Variants in TRIM55 observed in about 807,000 individuals in gnomAD.
The protein encoded by TRIM55 is tripartite motif containing 55, also known as tripartite motif-containing protein 55.
TRIM55 carries 50 observed loss-of-function variants against 60.9 expected under a neutral mutation model. The observed-to-expected ratio is 0.82, with a 90% CI of 0.65 to 1.04. The LOEUF (loss-of-function observed/expected upper bound fraction) is 1.04, where lower values mean the gene tolerates loss of function less well. Among genes scored for constraint, TRIM55 ranks in the 50% least tolerant of loss-of-function variants. The pLI, the probability that TRIM55 is intolerant of heterozygous loss-of-function variation, is 0.00. For synonymous variants in TRIM55, 237 were observed against 238.1 expected (o/e 1.00, Z 0.04); for missense variants, 681 against 666.9 (o/e 1.02, Z -0.23).
intron 9 of TRIM55, chr8:66,155,731 C>T: frequency 6.8e-7 from 1 of 1,469,356 alleles, no homozygotes. Flanking sequence ...TTTTCTTTTC[C>T]CTTGACTAAC....
At chr8:66,142,424 T>A (rs1201222303) in intron 4 of TRIM55, among the ~76,000 whole-genome samples, 2 of 152,236 alleles carry the variant, frequency 1.3e-5, no homozygotes, top group African/African-American at 4.8e-5. Flanking sequence ...GAGCCTCTTC[T>A]GGGAAACATG....
chr8:66,159,078 A>G lies in TRIM55; in HGVS notation c.1524+4744A>G, dbSNP rs1810905812. 2.6e-5 allele frequency among the ~76,000 whole-genome samples: 4 copies of G among 152,378 alleles called. 1 individual carries two copies. The South Asian group carries it at 8.3e-4, about 32-fold the overall frequency. On this transcript the variant is annotated intron_variant, in intron 9 of 9. Transcript: ENST00000315962. ...ACTAAAATTTACCCATTTTAAGTGT[A>G]CAGTTCAGTGAGTTTGGACAAATGT...
In TRIM55 at chr8:66,150,229, C is replaced by T. The variant is rs1431136034; in HGVS notation, c.850C>T (p.Leu284=). Residue 284 remains leucine, a synonymous_variant, in exon 6 of 10, where the codon CTG becomes TTG. Transcript: ENST00000315962. ...TTTGCTTTCACAGAATGCCAAAACC[C>T]TGCTAAAAAAGTAAGAACTTTTTAT... ...MAVFLQNAKT[L]LKKISEASKA... 2 of 1,613,096 alleles carry T rather than the reference C, an allele frequency of 1.2e-6. No homozygotes were observed. The highest frequency in any genetic ancestry group is 1.7e-6 in the Non-Finnish European group (2 of 1,179,468).
At chr8:66,151,187 G>T (rs1810398983) in intron 7 of TRIM55, among the ~76,000 whole-genome samples, 1 of 152,142 alleles carries the variant, frequency 6.6e-6, no homozygotes, top group African/African-American at 2.4e-5. Context: ...TAGAGGACAA[G>T]AATAGTAACA....
In TRIM55 at chr8:66,127,263, G is replaced by A. The variant is rs749145356; in HGVS notation, c.-6G>A. ...CCCTGGCAGCACACTTGGGGACAGC[G>A]AGGAGATGAGCGCATCTCTGAATTA... On this transcript the variant is annotated 5_prime_UTR_variant, in exon 1 of 10. Coordinates refer to ENST00000315962, the MANE Select transcript of TRIM55 (RefSeq NM_184085.2). 13 of 1,613,118 alleles carry A rather than the reference G, an allele frequency of 8.1e-6. No homozygotes were observed. In the East Asian group the frequency reaches 1.8e-4, roughly 22 times the overall value.
upstream of TRIM55, among the ~76,000 whole-genome samples, chr8:66,126,403 A>G (rs1325192808): frequency 2.0e-5 from 3 of 152,212 alleles, no homozygotes; most frequent in African/African-American, 4.8e-5. Context: ...GTATAGGATG[A>G]AAGAGGGCCA....
At chr8:66,127,479 G>T (rs1280399333) in intron 1 of TRIM55, 43 bp downstream of exon 1, 12 of 1,597,156 alleles carry the variant, frequency 7.5e-6, no homozygotes, top group East Asian at 4.5e-5. Context: ...GGGTGGAAAA[G>T]ATTCCCTCCT....
intron 2 of TRIM55, among the ~76,000 whole-genome samples, chr8:66,130,563 G>GGT (rs36082426): frequency 1.1e-5 from 1 of 91,382 alleles, no homozygotes; most frequent in Non-Finnish European, 2.2e-5. Context: ...GAAGGGGGTC[G>GGT]GGGGGGGTGA....
upstream of TRIM55, among the ~76,000 whole-genome samples, chr8:66,124,320 C>A (rs568277490): frequency 1.3e-5 from 2 of 152,180 alleles, no homozygotes; most frequent in South Asian, 4.1e-4. Flanking sequence ...AAACTTTTAA[C>A]GACTTCCTGC....
intron 2 of TRIM55, among the ~76,000 whole-genome samples, chr8:66,133,048 A>C (rs1325919844): frequency 6.6e-6 from 1 of 152,138 alleles, no homozygotes; most frequent in Non-Finnish European, 1.5e-5. Context: ...AGCCCACATT[A>C]ATAATAAGGT....
chr8:66,171,124 G>C (rs1586266064), intron 9 of TRIM55, among the ~76,000 whole-genome samples: 3 of 152,138 alleles, frequency 2.0e-5, no homozygotes, highest in Admixed American at 1.3e-4. Flanking sequence ...CAGGGGTACA[G>C]GTTTGTTACA....
intron 4 of TRIM55, among the ~76,000 whole-genome samples, chr8:66,138,785 T>G (rs531894775): frequency 3.7e-4 from 57 of 152,346 alleles, no homozygotes; most frequent in Non-Finnish European, 6.5e-4. Flanking sequence ...GTACCTATCT[T>G]ATAGAGTTAC....
At chr8:66,137,718 G>T (rs763117111) in intron 4 of TRIM55, among the ~76,000 whole-genome samples, 2 of 144,968 alleles carry the variant, frequency 1.4e-5, no homozygotes, top group African/African-American at 5.3e-5. Flanking sequence ...ATCTCCACTT[G>T]CCCTCTGCCT....
chr8:66,113,848 T>TG, the TRIM55 span, among the ~76,000 whole-genome samples: 2 of 151,488 alleles, frequency 1.3e-5, no homozygotes, highest in Non-Finnish European at 2.9e-5. Flanking sequence ...CGTGAGGAGG[T>TG]GGGGGGTCCG....
intron 1 of TRIM55, among the ~76,000 whole-genome samples, chr8:66,127,672 CA>C (rs531569749): frequency 0.023 from 3,215 of 141,608 alleles, 89 homozygotes; most frequent in African/African-American, 0.064. Flanking sequence ...ACTAAAAATA[CA>C]AAAAAAAAAA....
chr8:66,132,877 T>C (rs1401057933), intron 2 of TRIM55, among the ~76,000 whole-genome samples: 1 of 152,152 alleles, frequency 6.6e-6, no homozygotes, highest in Non-Finnish European at 1.5e-5. Context: ...AAAAAATAAA[T>C]AAATTGAATC....
At chr8:66,163,511 G>A (rs1811158799) in intron 9 of TRIM55, among the ~76,000 whole-genome samples, 1 of 152,088 alleles carries the variant, frequency 6.6e-6, no homozygotes, top group African/African-American at 2.4e-5. Context: ...AGCTTACTTT[G>A]TAGTTTCTTC....
intron 8 of TRIM55, 107 bp from the exon 9 acceptor site, chr8:66,153,940 A>G (rs1810580575): frequency 1.8e-6 from 2 of 1,088,452 alleles, no homozygotes; most frequent in African/African-American, 3.2e-5. Flanking sequence ...CACTGCATGC[A>G]GGGAGCGCAC....
chr8:66,121,795 A>G, the TRIM55 span, among the ~76,000 whole-genome samples: 2 of 152,208 alleles, frequency 1.3e-5, no homozygotes, highest in Non-Finnish European at 2.9e-5. Context: ...TGCCCCATTC[A>G]TGAATCATCC....
Sources: gnomAD v4.1 joint callset for allele counts (sites outside exome capture counted in the v4.1 genomes callset) on GRCh38, gnomAD v4.1.1 for gene constraint, MANE v1.5 for transcripts, NCBI Gene and HGNC (gene_info 2026-07-23, HGNC 2026-07-21) for gene names.